CFAP95: variants seen among roughly 807,000 people sequenced by gnomAD.
The protein encoded by CFAP95 is cilia and flagella associated protein 95.
At chr9:69,879,022 T>A in the CFAP95 span, among the ~76,000 whole-genome samples, 22 of 152,260 alleles carry the variant, frequency 1.4e-4, no homozygotes, top group South Asian at 4.1e-3. Context: ...ATTATGACGA[T>A]GGCACCAGGC....
At chr9:69,842,190 G>A in the CFAP95 span, among the ~76,000 whole-genome samples, 78 of 152,332 alleles carry the variant, frequency 5.1e-4, no homozygotes, top group Middle Eastern at 6.8e-3. Flanking sequence ...GTGGGCTAGA[G>A]AGTGGCACCC....
the CFAP95 span, among the ~76,000 whole-genome samples, chr9:69,823,951 T>A: frequency 6.6e-6 from 1 of 152,118 alleles, no homozygotes; most frequent in Non-Finnish European, 1.5e-5. Context: ...ATGTCATCAG[T>A]TAAGGCAGGA....
the CFAP95 span, among the ~76,000 whole-genome samples, chr9:69,879,564 C>CT: frequency 2.0e-5 from 3 of 151,976 alleles, no homozygotes; most frequent in Non-Finnish European, 4.4e-5. Context: ...CCTACGTTCA[C>CT]TTTGGGACTG....
chr9:69,901,398 A>C, the CFAP95 span, among the ~76,000 whole-genome samples: 8 of 151,956 alleles, frequency 5.3e-5, no homozygotes, highest in Non-Finnish European at 1.2e-4. Context: ...CGGCCTCCCA[A>C]AGTGCTGGGA....
chr9:69,846,571 T>G, the CFAP95 span, among the ~76,000 whole-genome samples: 7 of 152,340 alleles, frequency 4.6e-5, no homozygotes, highest in Admixed American at 2.6e-4. Context: ...ACAACAAAGC[T>G]ATAAAGCTGT....
chr9:69,842,121 C>A, the CFAP95 span, among the ~76,000 whole-genome samples: 1 of 152,194 alleles, frequency 6.6e-6, no homozygotes, highest in Non-Finnish European at 1.5e-5. Flanking sequence ...GGCACATAAC[C>A]CAGGGATGGT....
the CFAP95 span, among the ~76,000 whole-genome samples, chr9:69,889,847 T>G: frequency 6.6e-6 from 1 of 152,178 alleles, no homozygotes; most frequent in African/African-American, 2.4e-5. Flanking sequence ...CTTAGTGTCT[T>G]GATAAATCTT....
At chr9:69,822,028 A>G in the CFAP95 span, among the ~76,000 whole-genome samples, 2 of 152,200 alleles carry the variant, frequency 1.3e-5, no homozygotes, top group African/African-American at 2.4e-5. Flanking sequence ...CTTATTAAAT[A>G]TCACAGTGAC....
the CFAP95 span, among the ~76,000 whole-genome samples, chr9:69,846,244 C>T: frequency 4.6e-5 from 7 of 151,926 alleles, no homozygotes; most frequent in East Asian, 3.9e-4. Flanking sequence ...TGAGATGAAG[C>T]GGGATATGAG....
the CFAP95 span, among the ~76,000 whole-genome samples, chr9:69,883,186 G>C: frequency 1.3e-5 from 2 of 152,268 alleles, no homozygotes; most frequent in African/African-American, 4.8e-5. Context: ...GTCAAAGACA[G>C]GTTTATTTTG....
At chr9:69,879,870 C>G in the CFAP95 span, among the ~76,000 whole-genome samples, 3 of 45,434 alleles carry the variant, frequency 6.6e-5, no homozygotes, top group Admixed American at 4.3e-4. Context: ...CCATAGGTAA[C>G]TTTTTGTTTT....
chr9:69,824,806 A>G, the CFAP95 span, among the ~76,000 whole-genome samples: 44,475 of 152,122 alleles, frequency 0.29, 7,165 homozygotes, highest in Non-Finnish European at 0.36. Flanking sequence ...TTGACTGACA[A>G]AAATATTGTG....
At chr9:69,840,460 C>T in the CFAP95 span, among the ~76,000 whole-genome samples, 1 of 152,122 alleles carries the variant, frequency 6.6e-6, no homozygotes, top group African/African-American at 2.4e-5. Flanking sequence ...TGTCACCTTT[C>T]ATTTGAGACT....
the CFAP95 span, among the ~76,000 whole-genome samples, chr9:69,901,563 CCA>C: frequency 6.6e-6 from 1 of 152,142 alleles, no homozygotes; most frequent in Non-Finnish European, 1.5e-5. Flanking sequence ...TGTATATGCG[CCA>C]CATTTTCTTA....
chr9:69,851,397 A>T, the CFAP95 span, among the ~76,000 whole-genome samples: 1 of 152,152 alleles, frequency 6.6e-6, no homozygotes, highest in Non-Finnish European at 1.5e-5. Context: ...TAAGTAAAAT[A>T]TTTCATCAAA....
At chr9:69,821,061 G>A in the CFAP95 span, 1 of 1,606,452 alleles carries the variant, frequency 6.2e-7, no homozygotes, top group Admixed American at 1.7e-5. Context: ...AAGTTCCCGG[G>A]TGCTGCGGGG....
the CFAP95 span, among the ~76,000 whole-genome samples, chr9:69,877,636 T>C: frequency 6.6e-6 from 1 of 152,210 alleles, no homozygotes; most frequent in Non-Finnish European, 1.5e-5. Context: ...ATATTGATCT[T>C]TTATCCAACA....
the CFAP95 span, among the ~76,000 whole-genome samples, chr9:69,904,759 C>T: frequency 6.6e-6 from 1 of 152,206 alleles, no homozygotes; most frequent in African/African-American, 2.4e-5. Flanking sequence ...CACCAAGCAA[C>T]CAACCATAAC....
chr9:69,820,864 T>C, the CFAP95 span: 4 of 1,613,322 alleles, frequency 2.5e-6, no homozygotes, highest in Middle Eastern at 1.7e-4. Flanking sequence ...CAGAGGTCTG[T>C]ACCTCGAGGG....
Sources: allele counts gnomAD v4.1 joint callset (sites outside exome capture counted in the v4.1 genomes callset), GRCh38; gene constraint gnomAD v4.1.1; transcripts MANE v1.5; gene names NCBI Gene and HGNC (gene_info 2026-07-23, HGNC 2026-07-21).